COL4A3: variants seen among roughly 807,000 people sequenced by gnomAD.
COL4A3 encodes the protein collagen type IV alpha 3 chain.
Under a neutral mutation model 217.4 loss-of-function variants are expected in COL4A3, and 135 were observed. The observed-to-expected ratio is 0.62, with a 90% CI of 0.54 to 0.72. COL4A3 has a LOEUF of 0.72. Among genes scored for constraint, COL4A3 ranks in the 30% least tolerant of loss-of-function variants. COL4A3 has a pLI of 0.00. For synonymous variants in COL4A3, 690 were observed against 736.3 expected (o/e 0.94, Z 1.02); for missense variants, 1,868 against 2,119.9 (o/e 0.88, Z 2.33).
chr2:227,188,237 T>A (rs1220730097), intron 1 of COL4A3, among the ~76,000 whole-genome samples: 1 of 150,836 alleles, frequency 6.6e-6, no homozygotes, highest in Non-Finnish European at 1.5e-5. Flanking sequence ...AAAAAAAAAA[T>A]CACTTTTAGT....
At chr2:227,301,409 C>T (rs2073282139) in intron 43 of COL4A3, among the ~76,000 whole-genome samples, 1 of 152,200 alleles carries the variant, frequency 6.6e-6, no homozygotes, top group South Asian at 2.1e-4. Context: ...AGGTGCTTTG[C>T]CATAGCTCAT....
At chr2:227,177,870 C>CAAATAG (rs1017138084) in intron 1 of COL4A3, among the ~76,000 whole-genome samples, 3 of 152,118 alleles carry the variant, frequency 2.0e-5, no homozygotes, top group African/African-American at 7.2e-5. Context: ...TGCTTGTGTT[C>CAAATAG]AAATAGCTCT....
In COL4A3 at chr2:227,311,968, A is replaced by G; in HGVS notation, c.*98A>G. 6.5e-7 allele frequency: 1 copy of G among 1,550,300 alleles called. No homozygotes were observed. The highest frequency in any genetic ancestry group is 8.7e-7 in the Non-Finnish European group (1 of 1,143,274). ...AGGTATTTTTCTTTAACCAAACAATATTGCTCCATGATGACTTAGTACAAA... is the reference window on the plus strand; with the variant it reads ...AGGTATTTTTCTTTAACCAAACAATGTTGCTCCATGATGACTTAGTACAAA... On this transcript the variant is annotated 3_prime_UTR_variant, in exon 52 of 52. Coordinates refer to ENST00000396578, the MANE Select transcript of COL4A3 (RefSeq NM_000091.5).
intron 1 of COL4A3, among the ~76,000 whole-genome samples, chr2:227,215,198 TATGAAATA>T (rs1352656145): frequency 6.6e-6 from 1 of 152,246 alleles, no homozygotes; most frequent in African/African-American, 2.4e-5. Context: ...TTTCCCTCAT[TATGAAATA>T]ATGTACAACC....
intron 42 of COL4A3, 24 bp downstream of exon 42, chr2:227,297,883 C>T: frequency 1.9e-6 from 3 of 1,551,022 alleles, no homozygotes; most frequent in Non-Finnish European, 2.6e-6. Context: ...TTTTAAACAG[C>T]ATAAAATAAC....
chr2:227,202,660 G>C (rs956521875), intron 1 of COL4A3, among the ~76,000 whole-genome samples: 1 of 149,956 alleles, frequency 6.7e-6, no homozygotes, highest in African/African-American at 2.5e-5. Flanking sequence ...GTGTGAACCC[G>C]GGAGGCAGAG....
Position 227,253,483 on chromosome 2 carries a change from T to C in COL4A3, c.688-78T>C, listed in dbSNP as rs773013475. On this transcript the variant is annotated intron_variant, in intron 12 of 51. Coordinates refer to ENST00000396578, the MANE Select transcript of COL4A3 (RefSeq NM_000091.5). The surrounding 1 kb of genome is among the most constrained non-coding windows in gnomAD (Gnocchi z 4.4). ...CCGTATAAGCACTAAAGGGGAAAAG[T>C]AGACCTTTCAAACGTAGTAACATTG... The C allele has an allele frequency of 5.5e-5, 78 of 1,429,848 alleles. No homozygotes were observed. Among genetic ancestry groups the C allele is most frequent in the Middle Eastern group, 5.3e-4 (3 of 5,702 alleles). The allele number at this position is 1,429,848 out of a possible 1,614,324, so 88.6% of individuals were successfully genotyped here.
chr2:227,224,103 G>A (rs1449752014), intron 1 of COL4A3, among the ~76,000 whole-genome samples: 5 of 152,162 alleles, frequency 3.3e-5, no homozygotes, highest in South Asian at 4.2e-4. Context: ...TCAGCTTATC[G>A]GTCCAAGGGA....
chr2:227,181,213 C>A (rs1277134984), intron 1 of COL4A3, among the ~76,000 whole-genome samples: 3 of 152,188 alleles, frequency 2.0e-5, no homozygotes, highest in Non-Finnish European at 2.9e-5. Context: ...AAATAGAGAA[C>A]TCTTTGACAT....
chr2:227,290,989 G>A, intron 37 of COL4A3, 103 bp downstream of exon 37: 1 of 1,301,146 alleles, frequency 7.7e-7, no homozygotes. Flanking sequence ...AATTGAAACT[G>A]TTACTATACT....
At chr2:227,241,694 A>G (rs72977898) in intron 3 of COL4A3, among the ~76,000 whole-genome samples, 44 of 92,444 alleles carry the variant, frequency 4.8e-4, no homozygotes, top group Middle Eastern at 5.3e-3. Context: ...ACGTGTGTGT[A>G]TATATATATA....
rs536293320 is a variant in COL4A3 at position 227,313,508 on chromosome 2, T to G, written c.*1638T>G. The stretch of plus-strand genomic sequence containing the variant: ...GTCCAGACACAAAGAGACAAAGCTT[T>G]GAAGATGCTTTTTGATCTACCTAGG... On this transcript the variant is annotated 3_prime_UTR_variant, in exon 52 of 52. Transcript: ENST00000396578. 6.5e-6 allele frequency: 1 copy of G among 152,758 alleles called. No individual in the cohort carries two copies. Among genetic ancestry groups the G allele is most frequent in the South Asian group, 2.1e-4 (1 of 4,822 alleles). 9.5% of individuals were successfully genotyped at this position (152,758 alleles called of 1,614,324 possible).
chr2:227,242,255 G>A (rs2069069969), intron 3 of COL4A3, among the ~76,000 whole-genome samples: 1 of 152,132 alleles, frequency 6.6e-6, no homozygotes, highest in Non-Finnish European at 1.5e-5. Context: ...GAGTCTCATA[G>A]AACTCATGGG....
At chr2:227,291,562 CAAAAAAAAA>C (rs869289707) in intron 37 of COL4A3, among the ~76,000 whole-genome samples, 1 of 34,416 alleles carries the variant, frequency 2.9e-5, no homozygotes, top group Non-Finnish European at 5.7e-5. Context: ...GACTCCGTCT[CAAAAAAAAA>C]AAAAAAAACA....
chr2:227,264,080 C>A, intron 21 of COL4A3, 136 bp downstream of exon 21: 1 of 943,932 alleles, frequency 1.1e-6, no homozygotes, highest in Non-Finnish European at 1.7e-6. Flanking sequence ...CAATGGTCTT[C>A]ATTTCACTAA....
intron 15 of COL4A3, among the ~76,000 whole-genome samples, chr2:227,255,465 A>AT (rs79905022): frequency 0.1 from 15,825 of 152,200 alleles, 1,624 homozygotes; most frequent in African/African-American, 0.27. Flanking sequence ...CAAAGAATGT[A>AT]TTTTTTGGCC....
At chr2:227,242,317 C>A (rs542118243) in intron 3 of COL4A3, among the ~76,000 whole-genome samples, 2 of 152,166 alleles carry the variant, frequency 1.3e-5, no homozygotes, top group Non-Finnish European at 2.9e-5. Context: ...AAGAGATACA[C>A]AGGAGAAGGT....
chr2:227,249,230 A>ATATATTTTTTTTTTTTT, intron 9 of COL4A3, among the ~76,000 whole-genome samples: 3 of 14,692 alleles, frequency 2.0e-4, no homozygotes, highest in Admixed American at 8.1e-4. Context: ...ATATATATAT[A>ATATATTTTTTTTTTTTT]TTTTTTTTTT....
intron 34 of COL4A3, among the ~76,000 whole-genome samples, chr2:227,285,608 T>C (rs1409135035): frequency 6.6e-6 from 1 of 152,176 alleles, no homozygotes; most frequent in Non-Finnish European, 1.5e-5. Flanking sequence ...ATTATTTAAG[T>C]AGTGTTAGAA....
Sources: allele counts gnomAD v4.1 joint callset (sites outside exome capture counted in the v4.1 genomes callset), GRCh38; gene constraint gnomAD v4.1.1; non-coding constraint Gnocchi (gnomAD v3.1); transcripts MANE v1.5; gene names NCBI Gene and HGNC (gene_info 2026-07-23, HGNC 2026-07-21).